RBFOX2: variants seen among roughly 807,000 people sequenced by gnomAD.
RBFOX2 encodes RNA binding protein fox-1 homolog 2.
A neutral mutation model predicts 49.1 loss-of-function variants in RBFOX2; 10 were observed. That is an observed-to-expected ratio of 0.20 (90% confidence interval 0.13 to 0.35). The LOEUF (loss-of-function observed/expected upper bound fraction) is 0.35, where lower values mean the gene tolerates loss of function less well. Among genes scored for constraint, RBFOX2 ranks in the 10% least tolerant of loss-of-function variants. RBFOX2 has a pLI of 1.00. For missense variants in RBFOX2, 323 were observed against 486.9 expected (o/e 0.66, Z 3.17); for synonymous variants, 183 against 187.4 (o/e 0.98, Z 0.19).
At chr22:35,924,208 G>A (rs1022864693) in intron 1 of RBFOX2, among the ~76,000 whole-genome samples, 5 of 152,132 alleles carry the variant, frequency 3.3e-5, no homozygotes, top group Non-Finnish European at 5.9e-5. Flanking sequence ...ATGCCGAGAC[G>A]TGTGTTACTC....
chr22:35,841,232 C>T (rs1034692590), upstream of RBFOX2, among the ~76,000 whole-genome samples: 3 of 152,050 alleles, frequency 2.0e-5, no homozygotes, highest in African/African-American at 7.2e-5. Context: ...TATGTTTCAG[C>T]CTTTATTGAA....
At chr22:35,805,114 C>T (rs1249652988) in intron 2 of RBFOX2, among the ~76,000 whole-genome samples, 1 of 151,660 alleles carries the variant, frequency 6.6e-6, no homozygotes, top group South Asian at 2.1e-4. Flanking sequence ...AGTGAAACCC[C>T]GTCTCTACTA....
chr22:35,965,161 C>A (rs1333320076), upstream of RBFOX2, among the ~76,000 whole-genome samples: 1 of 152,104 alleles, frequency 6.6e-6, no homozygotes, highest in Non-Finnish European at 1.5e-5. Context: ...AGCAGGAGTT[C>A]ATTTAAGTAA....
intron 9 of RBFOX2, chr22:35,748,401 TG>T (rs1391757994): frequency 6.6e-6 from 1 of 152,082 alleles, no homozygotes; most frequent in Admixed American, 6.5e-5. Context: ...CATGGTTCCT[TG>T]GAATTCTAGC....
chr22:35,939,346 C>T (rs2053461583), upstream of RBFOX2: 1 of 400,812 alleles, frequency 2.5e-6, no homozygotes, highest in African/African-American at 2.1e-5. Context: ...CAAGTACCAA[C>T]CCTGCTGAGA....
intron 2 of RBFOX2, among the ~76,000 whole-genome samples, chr22:35,782,905 T>C (rs1318842769): frequency 6.6e-6 from 1 of 152,226 alleles, no homozygotes; most frequent in African/African-American, 2.4e-5. Flanking sequence ...TTTTAATGGG[T>C]TGTGCATGGT....
chr22:36,026,220 T>C (rs1443536583), intron 1 of RBFOX2, among the ~76,000 whole-genome samples: 2 of 143,668 alleles, frequency 1.4e-5, no homozygotes, highest in South Asian at 2.2e-4. Flanking sequence ...GAGGTTGCAG[T>C]GAGCCGAGAT....
chr22:35,985,691 C>T (rs1384699902), intron 1 of RBFOX2, among the ~76,000 whole-genome samples: 2 of 152,110 alleles, frequency 1.3e-5, no homozygotes, highest in African/African-American at 4.8e-5. Flanking sequence ...TTCTAACAGT[C>T]TATGGCTCTA....
chr22:35,876,966 T>C (rs1273025309), intron 1 of RBFOX2, among the ~76,000 whole-genome samples: 3 of 152,222 alleles, frequency 2.0e-5, no homozygotes, highest in Non-Finnish European at 4.4e-5. Context: ...CGTTGGTTGG[T>C]AGAAGACAAA....
intron 1 of RBFOX2, chr22:35,996,838 T>C (rs1431973493): frequency 6.6e-6 from 1 of 152,174 alleles, no homozygotes; most frequent in Non-Finnish European, 1.5e-5. Flanking sequence ...GAAGAGTGTT[T>C]ATTTGCACAG....
chr22:36,010,349 G>A (rs1233517460), intron 1 of RBFOX2, among the ~76,000 whole-genome samples: 11 of 152,130 alleles, frequency 7.2e-5, no homozygotes, highest in Admixed American at 3.3e-4. Flanking sequence ...GTGCCCTGCC[G>A]GCTTCCATTC....
intron 1 of RBFOX2, among the ~76,000 whole-genome samples, chr22:35,864,039 A>G (rs2149113190): frequency 6.6e-6 from 1 of 152,334 alleles, no homozygotes; most frequent in Non-Finnish European, 1.5e-5. Flanking sequence ...CATGATTTTC[A>G]TTAATAATGA....
At chr22:35,912,475 C>A (rs559594518) in intron 1 of RBFOX2, among the ~76,000 whole-genome samples, 3 of 152,326 alleles carry the variant, frequency 2.0e-5, no homozygotes, top group East Asian at 3.9e-4. Flanking sequence ...AGGCCTACCT[C>A]TTCCTGTCCA....
At chr22:35,756,265 A>G (rs1936905274) in intron 9 of RBFOX2, 121 bp from the exon 11 acceptor site, 3 of 808,686 alleles carry the variant, frequency 3.7e-6, no homozygotes, top group South Asian at 5.0e-5. Flanking sequence ...ATGAATACAT[A>G]ACCTGGGCTT....
At chr22:35,770,888 G>A (rs1035070264) in intron 4 of RBFOX2, among the ~76,000 whole-genome samples, 10 of 152,074 alleles carry the variant, frequency 6.6e-5, no homozygotes, top group African/African-American at 2.4e-4. Flanking sequence ...TATAAAGAAA[G>A]ATGCTTATAC....
At chr22:35,777,396 C>T (rs1490652309) in intron 4 of RBFOX2, among the ~76,000 whole-genome samples, 3 of 152,166 alleles carry the variant, frequency 2.0e-5, no homozygotes, top group Non-Finnish European at 4.4e-5. Context: ...AAAGTACACA[C>T]TTACTACTTT....
At chr22:35,828,868 A>G (rs1956273006) in intron 1 of RBFOX2, among the ~76,000 whole-genome samples, 1 of 152,030 alleles carries the variant, frequency 6.6e-6, no homozygotes, top group South Asian at 2.1e-4. Flanking sequence ...TGGCTAACAC[A>G]GCGAAACCCC....
chr22:35,978,352 T>C (rs1057095141), intron 1 of RBFOX2, among the ~76,000 whole-genome samples: 1 of 152,192 alleles, frequency 6.6e-6, no homozygotes, highest in Non-Finnish European at 1.5e-5. Context: ...TATAGATGTA[T>C]ATGTGGTATA....
chr22:35,920,315 G>T (rs2050890158), intron 1 of RBFOX2, among the ~76,000 whole-genome samples: 1 of 152,174 alleles, frequency 6.6e-6, no homozygotes, highest in Non-Finnish European at 1.5e-5. Flanking sequence ...TTTTTCTCAT[G>T]CTGTCATTCG....
Sources: gnomAD v4.1 joint callset for allele counts (sites outside exome capture counted in the v4.1 genomes callset) on GRCh38, gnomAD v4.1.1 for gene constraint, MANE v1.5 for transcripts, NCBI Gene and HGNC (gene_info 2026-07-23, HGNC 2026-07-21) for gene names.